SLCO1B1: variants seen among roughly 807,000 people sequenced by gnomAD.
SLCO1B1 encodes solute carrier organic anion transporter family member 1B1, also known as OATP-2.
Under a neutral mutation model 70.1 loss-of-function variants are expected in SLCO1B1, and 81 were observed. The ratio of observed to expected loss-of-function variants is 1.16; its 90% CI spans 0.97 to 1.39. SLCO1B1 has a LOEUF of 1.39. Among genes scored for constraint, SLCO1B1 ranks in the 40% most tolerant of loss-of-function variants. SLCO1B1 has a pLI of 0.00. For missense variants in SLCO1B1, 895 were observed against 799.6 expected, an observed-to-expected ratio of 1.12 and a Z score of -1.44; for synonymous variants, 283 against 271.5, an observed-to-expected ratio of 1.04 and a Z score of -0.42.
At chr12:21,143,724 A>T (rs1328045253) in intron 2 of SLCO1B1, among the ~76,000 whole-genome samples, 1 of 152,052 alleles carries the variant, frequency 6.6e-6, no homozygotes, top group Admixed American at 6.6e-5. Context: ...GCTAAAATAA[A>T]TGTGGATTTT....
intron 7 of SLCO1B1, among the ~76,000 whole-genome samples, chr12:21,190,253 G>A (rs1255237991): frequency 1.3e-5 from 2 of 152,214 alleles, no homozygotes; most frequent in Non-Finnish European, 2.9e-5. Flanking sequence ...CCAGTAAGGG[G>A]GAACAATAAT....
At chr12:21,170,005 A>G (rs1040482073) in intron 2 of SLCO1B1, among the ~76,000 whole-genome samples, 2 of 152,118 alleles carry the variant, frequency 1.3e-5, no homozygotes, top group African/African-American at 4.8e-5. Context: ...TGGTTTCTAT[A>G]GAAGACCCTC....
At chr12:21,142,282 T>C (rs1279548556) in intron 2 of SLCO1B1, among the ~76,000 whole-genome samples, 1 of 151,950 alleles carries the variant, frequency 6.6e-6, no homozygotes, top group African/African-American at 2.4e-5. Context: ...GTTGAGGTAT[T>C]AAGTGATGCT....
chr12:21,222,427 TACACACAC>T (rs869209935), intron 13 of SLCO1B1, 63 bp downstream of exon 13: 4 of 101,030 alleles, frequency 4.0e-5, no homozygotes, highest in South Asian at 3.4e-4. Context: ...TATATATATA[TACACACAC>T]ACATACATAT....
At chr12:21,143,618 C>T (rs551029443) in intron 2 of SLCO1B1, among the ~76,000 whole-genome samples, 4 of 152,104 alleles carry the variant, frequency 2.6e-5, no homozygotes, top group South Asian at 2.1e-4. Context: ...GGGCAAATGT[C>T]TTCTCCTAGG....
At chr12:21,212,153 G>T (rs1337696434) in intron 11 of SLCO1B1, among the ~76,000 whole-genome samples, 1 of 124,856 alleles carries the variant, frequency 8.0e-6, no homozygotes, top group African/African-American at 3.0e-5. Flanking sequence ...TAATTGTGAT[G>T]TTAGGGTGTC....
rs1028065236 is a variant in SLCO1B1 at position 21,205,899 on chromosome 12, C to T, written c.1363C>T (p.Pro455Ser). The stretch of plus-strand genomic sequence containing the variant: ...TCCAGTGACATCTCATAGAGATGTA[C>T]CACTTTCTTATTGCAACTCAGACTG... ...NNPVTSHRDV[P>S]LSYCNSDCNC... Residue 455 changes from proline to serine, a missense_variant, in exon 11 of 15, where the codon CCA becomes TCA. By Grantham distance (74) the Pro-to-Ser change is moderately conservative. Coordinates refer to ENST00000256958, the MANE Select transcript of SLCO1B1 (RefSeq NM_006446.5). The T allele has an allele frequency of 3.7e-6, 6 of 1,609,562 alleles. No homozygotes were observed. The highest frequency in any genetic ancestry group is 1.3e-5 in the African/African-American group (1 of 74,696).
chr12:21,132,847 T>A (rs1216068981), intron 1 of SLCO1B1, among the ~76,000 whole-genome samples: 1 of 152,138 alleles, frequency 6.6e-6, no homozygotes, highest in African/African-American at 2.4e-5. Flanking sequence ...TTATATCTCA[T>A]TTGTCATTTT....
chr12:21,195,102 G>A (rs12306105), intron 7 of SLCO1B1, among the ~76,000 whole-genome samples: 1,541 of 152,256 alleles, frequency 0.01, 33 homozygotes, highest in South Asian at 0.039. Flanking sequence ...ATTTCAGCAG[G>A]AGATTTGAAC....
At chr12:21,168,641 A>G (rs1940721440) in intron 2 of SLCO1B1, among the ~76,000 whole-genome samples, 1 of 152,188 alleles carries the variant, frequency 6.6e-6, no homozygotes, top group African/African-American at 2.4e-5. Flanking sequence ...ATAAGTAGAA[A>G]GTTGAGCATC....
chr12:21,139,100 A>G (rs1940271315), intron 1 of SLCO1B1, among the ~76,000 whole-genome samples: 1 of 152,138 alleles, frequency 6.6e-6, no homozygotes, highest in South Asian at 2.1e-4. Context: ...CATCAAGAAT[A>G]TTTGTTAGTA....
intron 14 of SLCO1B1, among the ~76,000 whole-genome samples, chr12:21,234,375 A>G (rs776242426): frequency 1.6e-4 from 24 of 152,184 alleles, no homozygotes; most frequent in Non-Finnish European, 3.4e-4. Context: ...GGTTAGAGTC[A>G]GAATCTTGTA....
In SLCO1B1 at chr12:21,202,473, T is replaced by G. The variant is rs77238699; in HGVS notation, c.1136-18T>G. 10 of 1,534,796 alleles carry G rather than the reference T, an allele frequency of 6.5e-6. No individual in the cohort carries two copies. In the Admixed American group the frequency reaches 7.3e-5, roughly 11 times the overall value. ...GAAAACTCATATATGATTACAACTT[T>G]TTTTCTTTTTTTTCTAGGAGTCATA... On this transcript the variant is annotated intron_variant, in intron 9 of 14. Coordinates refer to ENST00000256958, the MANE Select transcript of SLCO1B1 (RefSeq NM_006446.5).
intron 8 of SLCO1B1, among the ~76,000 whole-genome samples, chr12:21,197,967 A>G (rs1565679731): frequency 6.6e-6 from 1 of 152,138 alleles, no homozygotes; most frequent in Admixed American, 6.6e-5. Context: ...AGAGCAAGAT[A>G]TGTGAATCAG....
chr12:21,188,760 A>G (rs1201135156), intron 7 of SLCO1B1, among the ~76,000 whole-genome samples: 1 of 152,100 alleles, frequency 6.6e-6, no homozygotes, highest in Non-Finnish European at 1.5e-5. Context: ...CCCATTGACT[A>G]ACAACTCCCT....
At chr12:21,190,868 T>C (rs1364004296) in intron 7 of SLCO1B1, among the ~76,000 whole-genome samples, 1 of 152,148 alleles carries the variant, frequency 6.6e-6, no homozygotes, top group South Asian at 2.1e-4. Flanking sequence ...TTTTTTGCTA[T>C]TGAGTTGTAG....
At chr12:21,217,470 A>G (rs1941372985) in intron 12 of SLCO1B1, among the ~76,000 whole-genome samples, 167 bp downstream of exon 12, 1 of 152,130 alleles carries the variant, frequency 6.6e-6, no homozygotes, top group Non-Finnish European at 1.5e-5. Flanking sequence ...CAAGGCTGTA[A>G]TTAATAATTT....
intron 11 of SLCO1B1, among the ~76,000 whole-genome samples, chr12:21,211,075 T>A (rs538791824): frequency 2.0e-5 from 3 of 152,344 alleles, no homozygotes; most frequent in African/African-American, 7.2e-5. Context: ...CTAATTGCCC[T>A]GGCCAGAACT....
At chr12:21,211,788 C>G (rs143311653) in intron 11 of SLCO1B1, among the ~76,000 whole-genome samples, 3,037 of 152,154 alleles carry the variant, frequency 0.02, 96 homozygotes, top group African/African-American at 0.069. Context: ...ATTTAGTCTT[C>G]GGAGAGTGTA....
Sources: gnomAD v4.1 joint callset for allele counts (sites outside exome capture counted in the v4.1 genomes callset) on GRCh38, gnomAD v4.1.1 for gene constraint, MANE v1.5 for transcripts, NCBI Gene and HGNC (gene_info 2026-07-23, HGNC 2026-07-21) for gene names.